Variants in RBP2 observed in about 807,000 individuals in gnomAD.
RBP2 encodes retinol-binding protein 2.
In RBP2, 17 loss-of-function variants were observed where a neutral mutation model predicts 17.0. That is an observed-to-expected ratio of 1.00 (90% CI 0.68 to 1.50). The LOEUF (loss-of-function observed/expected upper bound fraction) is 1.50. Ranked by LOEUF, RBP2 falls within the 40% of genes most tolerant of loss-of-function variation. RBP2 has a pLI of 0.00. For missense variants in RBP2, 158 were observed against 168.2 expected, an observed-to-expected ratio of 0.94 and a Z score of 0.33; for synonymous variants, 48 against 57.1, an observed-to-expected ratio of 0.84 and a Z score of 0.72.
At chr3:139,474,270 G>A (rs1034424618) in intron 1 of RBP2, among the ~76,000 whole-genome samples, 23 of 152,134 alleles carry the variant, frequency 1.5e-4, no homozygotes, top group African/African-American at 5.1e-4. Flanking sequence ...CCAGAGGAAG[G>A]CTGTTGTTAG....
intron 1 of RBP2, among the ~76,000 whole-genome samples, chr3:139,468,474 C>A (rs1481596871): frequency 1.3e-5 from 2 of 152,304 alleles, no homozygotes; most frequent in East Asian, 1.9e-4. Flanking sequence ...CAAATGGAAT[C>A]AAGCATCACT....
chr3:139,462,663 A>T (rs959559419), intron 1 of RBP2, among the ~76,000 whole-genome samples: 1 of 151,866 alleles, frequency 6.6e-6, no homozygotes, highest in African/African-American at 2.4e-5. Context: ...GAACAAAAAG[A>T]TCTCATGATT....
At position 139,462,225 on chromosome 3, in the gene RBP2, C is replaced by A. The variant is rs1333447259; in HGVS notation, c.139G>T (p.Gly47Cys). 17 of 1,614,016 alleles carry A rather than the reference C, an allele frequency of 1.1e-5. No individual in the cohort carries two copies. Among genetic ancestry groups the A allele is most frequent in the Non-Finnish European group, 1.4e-5 (17 of 1,180,024 alleles). ...LTQTKVIDQD[G>C]DNFKTKTTST... Reference sequence around the variant, plus strand: ...GTGGTTTTTGTCTTGAAGTTATCACCATCTTGATCAATAACCTTCGTCTGA... The same window carrying A: ...GTGGTTTTTGTCTTGAAGTTATCACAATCTTGATCAATAACCTTCGTCTGA... The change falls in exon 2 of 4, where the codon GGT (glycine) becomes TGT (cysteine). Residue 47 changes from glycine to cysteine, a missense_variant. Transcript: ENST00000232217.
At position 139,462,174 on chromosome 3, in the gene RBP2, C is replaced by G. The variant is rs776742230; in HGVS notation, c.190G>C (p.Asp64His). Residue 64 changes from aspartate (D) to histidine (H), a missense_variant, in exon 2 of 4, where the codon GAT becomes CAT. Physicochemically the swap from Asp to His is moderately conservative, Grantham distance 81. Transcript: ENST00000232217. ...TTSTFRNYDVDFTVGVEFDEY... is the reference protein window; with the variant it reads ...TTSTFRNYDVHFTVGVEFDEY... Reference sequence around the variant, plus strand: ...TCAAACTCTACTCCAACAGTGAAATCCACATCATAGTTGCGGAATGTGCTA... The same window carrying G: ...TCAAACTCTACTCCAACAGTGAAATGCACATCATAGTTGCGGAATGTGCTA... The G allele has an allele frequency of 6.2e-7, 1 of 1,614,158 alleles. No homozygotes were observed. Among genetic ancestry groups the G allele is most frequent in the East Asian group, 2.2e-5 (1 of 44,868 alleles).
chr3:139,466,685 A>G (rs534231245), intron 1 of RBP2: 5 of 150,908 alleles, frequency 3.3e-5, no homozygotes, highest in African/African-American at 5.0e-5. Flanking sequence ...GTGAGGATCA[A>G]ATTTGATGGT....
At chr3:139,454,582 G>A (rs1296450023) in intron 3 of RBP2, 147 bp downstream of exon 3, 1 of 662,234 alleles carries the variant, frequency 1.5e-6, no homozygotes. Flanking sequence ...AGATGGGAAT[G>A]GCTTTCTGAC....
chr3:139,454,306 G>C (rs980461309), intron 3 of RBP2, among the ~76,000 whole-genome samples: 3 of 152,152 alleles, frequency 2.0e-5, no homozygotes, highest in African/African-American at 7.2e-5. Context: ...GTCAATACCT[G>C]TGGCAGTTCC....
intron 1 of RBP2, among the ~76,000 whole-genome samples, chr3:139,464,999 A>G (rs1933310332): frequency 6.6e-6 from 1 of 152,230 alleles, no homozygotes; most frequent in African/African-American, 2.4e-5. Flanking sequence ...TTACTGTTAA[A>G]GTGCCTACTT....
At chr3:139,459,642 A>C (rs1469322972) in intron 2 of RBP2, among the ~76,000 whole-genome samples, 3 of 151,482 alleles carry the variant, frequency 2.0e-5, no homozygotes, top group Non-Finnish European at 4.4e-5. Flanking sequence ...AAAAGAAAGA[A>C]ATTAATCAGA....
intron 1 of RBP2, among the ~76,000 whole-genome samples, chr3:139,467,561 T>G (rs1258564343): frequency 6.6e-6 from 1 of 152,154 alleles, no homozygotes; most frequent in African/African-American, 2.4e-5. Flanking sequence ...TCTTCCTTTG[T>G]AGGAAAATGA....
intron 1 of RBP2, among the ~76,000 whole-genome samples, chr3:139,471,476 C>G (rs1933567981): frequency 6.6e-6 from 1 of 152,212 alleles, no homozygotes; most frequent in African/African-American, 2.4e-5. Flanking sequence ...TTGTGATAGC[C>G]ACTGCACTTT....
intron 2 of RBP2, among the ~76,000 whole-genome samples, chr3:139,457,455 G>A (rs1156413503): frequency 2.6e-5 from 4 of 152,128 alleles, no homozygotes; most frequent in African/African-American, 7.2e-5. Flanking sequence ...GAAGGAAGGA[G>A]AAAAATGTTA....
intron 1 of RBP2, among the ~76,000 whole-genome samples, chr3:139,469,431 C>T (rs895422387): frequency 2.6e-5 from 4 of 152,112 alleles, no homozygotes; most frequent in Non-Finnish European, 4.4e-5. Context: ...CTGGGATGGA[C>T]ATTAGAGTGG....
At chr3:139,454,275 G>C (rs1015763369) in intron 3 of RBP2, among the ~76,000 whole-genome samples, 2 of 152,168 alleles carry the variant, frequency 1.3e-5, no homozygotes, top group African/African-American at 4.8e-5. Context: ...GGGGTCAGAA[G>C]GACATACCTC....
chr3:139,475,729 A>G (rs1346344575), intron 1 of RBP2, among the ~76,000 whole-genome samples: 4 of 152,194 alleles, frequency 2.6e-5, no homozygotes, highest in African/African-American at 9.6e-5. Flanking sequence ...CACTCACTCT[A>G]GTCCCAGGCA....
chr3:139,454,903 C>CAATT, intron 2 of RBP2, 73 bp from the exon 3 acceptor site: 1 of 1,423,230 alleles, frequency 7.0e-7, no homozygotes, highest in Middle Eastern at 1.8e-4. Context: ...CCTGCAGCTG[C>CAATT]AATTCCTGCA....
intron 1 of RBP2, chr3:139,466,593 T>C (rs1172367934): frequency 3.3e-5 from 5 of 152,220 alleles, no homozygotes; most frequent in African/African-American, 1.2e-4. Flanking sequence ...TTCAGTCTCG[T>C]CGCTGGACAT....
chr3:139,453,338 T>C (rs892922610), intron 3 of RBP2, among the ~76,000 whole-genome samples, 172 bp from the exon 4 acceptor site: 1 of 152,206 alleles, frequency 6.6e-6, no homozygotes, highest in Non-Finnish European at 1.5e-5. Flanking sequence ...CAGGTAGCAG[T>C]AATTTGATTT....
intron 1 of RBP2, among the ~76,000 whole-genome samples, chr3:139,473,942 A>G (rs1216143915): frequency 6.6e-6 from 1 of 152,208 alleles, no homozygotes; most frequent in Admixed American, 6.5e-5. Context: ...CCAGGCACCA[A>G]CAGATTCCCA....
Sources: allele counts gnomAD v4.1 joint callset (sites outside exome capture counted in the v4.1 genomes callset), GRCh38; gene constraint gnomAD v4.1.1; transcripts MANE v1.5; gene names NCBI Gene and HGNC (gene_info 2026-07-23, HGNC 2026-07-21).